The following BRINP1 variants were observed in gnomAD, a reference collection of about 807,000 sequenced individuals.
BRINP1 encodes the protein BMP/retinoic acid-inducible neural-specific protein 1.
Under a neutral mutation model 72.9 loss-of-function variants are expected in BRINP1, and 17 were observed. That is an observed-to-expected ratio of 0.23 (90% confidence interval 0.16 to 0.35). The LOEUF (loss-of-function observed/expected upper bound fraction) is 0.35. Among genes scored for constraint, BRINP1 ranks in the 10% least tolerant of loss-of-function variants. The pLI is 1.00. For synonymous variants in BRINP1, 418 were observed against 378.5 expected (o/e 1.10, Z -1.21); for missense variants, 850 against 1,001.6 (o/e 0.85, Z 2.04).
At chr9:119,257,354 T>A (rs139785673) in intron 2 of BRINP1, among the ~76,000 whole-genome samples, 15 of 152,326 alleles carry the variant, frequency 9.8e-5, no homozygotes, top group Non-Finnish European at 1.2e-4. Flanking sequence ...CATACACGAT[T>A]CATACAATAA....
intron 7 of BRINP1, among the ~76,000 whole-genome samples, chr9:119,174,866 A>G (rs1018478027): frequency 1.3e-4 from 20 of 150,894 alleles, no homozygotes; most frequent in African/African-American, 4.9e-4. Flanking sequence ...CTATCGCAAG[A>G]ACAAAAAACC....
chr9:119,275,204 A>G (rs1409850102), intron 2 of BRINP1, among the ~76,000 whole-genome samples: 1 of 152,154 alleles, frequency 6.6e-6, no homozygotes, highest in Non-Finnish European at 1.5e-5. Context: ...GTTTTAATAT[A>G]TATGTAGGAT....
At chr9:119,232,881 A>T (rs188195423) in intron 5 of BRINP1, among the ~76,000 whole-genome samples, 22 of 152,156 alleles carry the variant, frequency 1.4e-4, no homozygotes, top group African/African-American at 4.6e-4. Context: ...TGGAAAGAGA[A>T]GTATGAAAAT....
chr9:119,316,222 G>T (rs1020420922), intron 1 of BRINP1, among the ~76,000 whole-genome samples: 6 of 152,118 alleles, frequency 3.9e-5, no homozygotes, highest in Non-Finnish European at 1.5e-5. Flanking sequence ...CAGTAGCTGA[G>T]ATTACAGGTG....
chr9:119,286,573 T>C (rs1830763222), intron 2 of BRINP1, among the ~76,000 whole-genome samples: 1 of 152,204 alleles, frequency 6.6e-6, no homozygotes, highest in African/African-American at 2.4e-5. Flanking sequence ...AAATTTAACA[T>C]GTGTCTACTG....
chr9:119,334,238 T>C (rs1831327792), intron 1 of BRINP1, among the ~76,000 whole-genome samples: 1 of 152,198 alleles, frequency 6.6e-6, no homozygotes, highest in African/African-American at 2.4e-5. Context: ...TGAAAATTCC[T>C]GCTCAAGGAA....
intron 7 of BRINP1, among the ~76,000 whole-genome samples, chr9:119,180,781 CATA>C (rs1829548190): frequency 6.6e-6 from 1 of 152,090 alleles, no homozygotes; most frequent in South Asian, 2.1e-4. Context: ...TTAAGTAGCT[CATA>C]ATAATAAGGA....
intron 2 of BRINP1, among the ~76,000 whole-genome samples, chr9:119,310,314 A>G (rs1450365884): frequency 1.3e-5 from 2 of 152,188 alleles, no homozygotes; most frequent in African/African-American, 4.8e-5. Context: ...CCAAGCCTTC[A>G]GGTGGCAACT....
intron 1 of BRINP1, among the ~76,000 whole-genome samples, chr9:119,362,702 T>C (rs888611102): frequency 6.6e-6 from 1 of 152,234 alleles, no homozygotes; most frequent in Non-Finnish European, 1.5e-5. Context: ...TTTCTATCCA[T>C]TTCCCCTACT....
Position 119,168,190 on chromosome 9 carries a change from G to A in BRINP1, c.1180C>T (p.Leu394Phe). 2 of 1,542,626 alleles carry A rather than the reference G, an allele frequency of 1.3e-6. No homozygotes were observed. Among genetic ancestry groups the A allele is most frequent in the Non-Finnish European group, 8.7e-7 (1 of 1,144,356 alleles). Residue 394 changes from leucine to phenylalanine, a missense_variant, in exon 8 of 8, where the codon CTC becomes TTC. Coordinates refer to ENST00000265922, the MANE Select transcript of BRINP1 (RefSeq NM_014618.3). ...IQQWLARVQSLLYCNENGFWG... is the reference protein window; with the variant it reads ...IQQWLARVQSFLYCNENGFWG... ...AACCCATTCTCATTACAGTAGAGGA[G>A]TGACTGGACCCTTGCAAGCCACTGC...
chr9:119,256,275 GAT>G (rs1205537193), intron 2 of BRINP1, among the ~76,000 whole-genome samples: 4 of 152,176 alleles, frequency 2.6e-5, no homozygotes, highest in Admixed American at 1.3e-4. Flanking sequence ...TTGTTGTTAT[GAT>G]TACATGAGCA....
intron 2 of BRINP1, among the ~76,000 whole-genome samples, chr9:119,296,969 T>C (rs1023623763): frequency 6.6e-6 from 1 of 152,170 alleles, no homozygotes; most frequent in African/African-American, 2.4e-5. Context: ...TAGTTAAAAA[T>C]GCTATATTAT....
intron 2 of BRINP1, among the ~76,000 whole-genome samples, chr9:119,250,534 C>T (rs1830376296): frequency 2.0e-5 from 3 of 152,330 alleles, no homozygotes; most frequent in Middle Eastern, 3.4e-3. Context: ...TTACATGAAA[C>T]ATAGAGTGCA....
chr9:119,317,921 C>T (rs531325762), intron 1 of BRINP1, among the ~76,000 whole-genome samples: 1 of 152,292 alleles, frequency 6.6e-6, no homozygotes, highest in South Asian at 2.1e-4. Flanking sequence ...ACACTGCTAT[C>T]CTACACTTAA....
Position 119,169,471 on chromosome 9 carries a change from G to A in BRINP1, c.1146-1247C>T, listed in dbSNP as rs533752492. 5.6e-4 allele frequency among the ~76,000 whole-genome samples: 86 copies of A among 152,332 alleles called. 1 individual carries two copies. The South Asian group carries it at 0.016, about 27-fold the overall frequency. ...GAGATTATATTACCGCACCTGGCTC[G>A]GAGGGTCCTACGCCCACAGAGTCTC... On this transcript the variant is annotated intron_variant, in intron 7 of 7. Transcript: ENST00000265922.
chr9:119,252,023 G>A (rs1242284856), intron 2 of BRINP1, among the ~76,000 whole-genome samples: 1 of 151,806 alleles, frequency 6.6e-6, no homozygotes, highest in Non-Finnish European at 1.5e-5. Flanking sequence ...TCACCCACTG[G>A]CTCTCTGTTC....
At chr9:119,238,440 T>C (rs1423818438) in intron 5 of BRINP1, among the ~76,000 whole-genome samples, 3 of 152,216 alleles carry the variant, frequency 2.0e-5, no homozygotes, top group Admixed American at 6.5e-5. Context: ...TTAATAATCA[T>C]GAATTTACTG....
intron 1 of BRINP1, among the ~76,000 whole-genome samples, chr9:119,315,457 T>C (rs1831115519): frequency 6.6e-6 from 1 of 152,110 alleles, no homozygotes; most frequent in African/African-American, 2.4e-5. Flanking sequence ...GATAAACCTG[T>C]GTTTTCTGAC....
At chr9:119,358,795 C>A (rs1831599746) in intron 1 of BRINP1, among the ~76,000 whole-genome samples, 1 of 152,136 alleles carries the variant, frequency 6.6e-6, no homozygotes, top group South Asian at 2.1e-4. Context: ...TATATCTGGT[C>A]TTTACATCTA....
Sources: allele counts gnomAD v4.1 joint callset (sites outside exome capture counted in the v4.1 genomes callset), GRCh38; gene constraint gnomAD v4.1.1; transcripts MANE v1.5; gene names NCBI Gene and HGNC (gene_info 2026-07-23, HGNC 2026-07-21).